Variants in NFAT5 observed in about 807,000 individuals in gnomAD.
The protein encoded by NFAT5 is nuclear factor of activated T cells 5, also known as nuclear factor of activated T-cells 5.
Under a neutral mutation model 166.5 loss-of-function variants are expected in NFAT5, and 31 were observed. The ratio of observed to expected loss-of-function variants is 0.19; its 90% confidence interval spans 0.14 to 0.25. The LOEUF (loss-of-function observed/expected upper bound fraction) is 0.25. Ranked by LOEUF, NFAT5 falls within the 10% of genes least tolerant of loss-of-function variation. The pLI is 1.00. For missense variants in NFAT5, 1,449 were observed against 1,821.8 expected (o/e 0.80, Z 3.72); for synonymous variants, 612 against 639.7 (o/e 0.96, Z 0.65).
intron 2 of NFAT5, among the ~76,000 whole-genome samples, chr16:69,575,383 G>A (rs1286066871): frequency 6.6e-6 from 1 of 152,070 alleles, no homozygotes; most frequent in Non-Finnish European, 1.5e-5. Context: ...GGTCAGGCTG[G>A]TCTTGAATTC....
At chr16:69,640,952 G>A (rs2035177915) in intron 3 of NFAT5, among the ~76,000 whole-genome samples, 1 of 150,662 alleles carries the variant, frequency 6.6e-6, no homozygotes, top group Non-Finnish European at 1.5e-5. Flanking sequence ...TTGTACTCCA[G>A]CGGGGGCAAC....
chr16:69,670,175 A>G, intron 8 of NFAT5, 61 bp from the exon 9 acceptor site: 4 of 1,578,968 alleles, frequency 2.5e-6, no homozygotes, highest in South Asian at 1.2e-5. Context: ...GGATATAGTC[A>G]TAGCTACAGA....
intron 2 of NFAT5, among the ~76,000 whole-genome samples, chr16:69,584,591 C>T (rs1319470359): frequency 3.3e-5 from 5 of 151,694 alleles, no homozygotes; most frequent in East Asian, 3.9e-4. Flanking sequence ...CGGCCTCCCT[C>T]GGTCTTGCTA....
In NFAT5 at chr16:69,697,333, C is replaced by T. The variant is rs1012559996; in HGVS notation, c.*982C>T. 6.6e-6 allele frequency: 1 copy of T among 152,038 alleles called. No individual in the cohort carries two copies. The highest frequency in any genetic ancestry group is 2.4e-5 in the African/African-American group (1 of 41,382). The allele number at this position is 152,038 out of a possible 1,614,324, so 9.4% of individuals were successfully genotyped here. ...GACCTAGCAATCCTGCAGCACAGGGCAGAGAGTACTGTCTTAGGAATTATT... is the reference window on the plus strand; with the variant it reads ...GACCTAGCAATCCTGCAGCACAGGGTAGAGAGTACTGTCTTAGGAATTATT... On this transcript the variant is annotated 3_prime_UTR_variant, in exon 15 of 15. Coordinates refer to ENST00000349945, the MANE Select transcript of NFAT5 (RefSeq NM_138713.4).
chr16:69,602,268 A>C (rs1311708618), intron 2 of NFAT5, among the ~76,000 whole-genome samples: 1 of 148,180 alleles, frequency 6.7e-6, no homozygotes, highest in Non-Finnish European at 1.5e-5. Context: ...CTTGGTTATT[A>C]TCTTTTTTTT....
chr16:69,687,792 A>G (rs2037369920), intron 11 of NFAT5, among the ~76,000 whole-genome samples: 1 of 152,222 alleles, frequency 6.6e-6, no homozygotes, highest in Non-Finnish European at 1.5e-5. Flanking sequence ...ATCTGTAAAC[A>G]TGGACATTTT....
rs776971756 is a variant in NFAT5 at position 69,691,007 on chromosome 16, C to T, written c.1842C>T (p.Leu614=). The T allele has an allele frequency of 4.4e-6, 7 of 1,609,188 alleles. No individual in the cohort carries two copies. In the African/African-American group the frequency reaches 8.0e-5, roughly 18 times the overall value. ...NIIPNALMTP[L]IPSSMIKSED... is the part of the protein sequence containing the mutation. ...TCCCTAATGCCCTGATGACTCCACTCATACCAAGCAGTATGATTAAGAGTG... is the reference window on the plus strand; with the variant it reads ...TCCCTAATGCCCTGATGACTCCACTTATACCAAGCAGTATGATTAAGAGTG... Residue 614 remains leucine, a synonymous_variant, in exon 12 of 15, where the codon CTC becomes CTT. Transcript: ENST00000349945.
At chr16:69,615,971 C>T (rs2033924595) in intron 2 of NFAT5, among the ~76,000 whole-genome samples, 1 of 152,104 alleles carries the variant, frequency 6.6e-6, no homozygotes, top group Admixed American at 6.5e-5. Flanking sequence ...CTTTGGGCAG[C>T]CCTACTAGGT....
intron 3 of NFAT5, among the ~76,000 whole-genome samples, chr16:69,646,163 G>A (rs1244363554): frequency 1.3e-5 from 2 of 152,246 alleles, no homozygotes; most frequent in Admixed American, 1.3e-4. Flanking sequence ...CAATTGTCAA[G>A]CATGTAATCA....
Position 69,692,469 on chromosome 16 carries a change from A to G in NFAT5, c.2644A>G (p.Arg882Gly), listed in dbSNP as rs770407255. The change falls in exon 13 of 15, where the codon AGA becomes GGA. Residue 882 changes from arginine to glycine, a missense_variant. Around this residue, in one of 7 missense-constraint regions of NFAT5, gnomAD observed 891 missense variants for 993.0 expected, o/e 0.90. Transcript: ENST00000349945. ...HTRPDNLLPG[R>G]AESVHPQSEN... ...CAGACCAGATAATTTATTACCTGGA[A>G]GAGCTGAAAGTGTTCATCCACAGTC... 6.2e-7 allele frequency: 1 copy of G among 1,614,254 alleles called. No individual in the cohort carries two copies. The highest frequency in any genetic ancestry group is 1.1e-5 in the South Asian group (1 of 91,088).
intron 7 of NFAT5, among the ~76,000 whole-genome samples, chr16:69,660,982 G>A (rs1211288549): frequency 1.3e-5 from 2 of 150,574 alleles, no homozygotes; most frequent in Non-Finnish European, 3.0e-5. Flanking sequence ...GCTAATTTTT[G>A]TATTTTTAGT....
intron 2 of NFAT5, among the ~76,000 whole-genome samples, chr16:69,571,279 G>A (rs1364332090): frequency 6.6e-6 from 1 of 151,916 alleles, no homozygotes; most frequent in Non-Finnish European, 1.5e-5. Flanking sequence ...ACTCCAGCCT[G>A]GGTGACAGAG....
Position 69,692,621 on chromosome 16 carries a change from G to A in NFAT5, c.2796G>A (p.Glu932=). ...AGGCAGCTGCCCAGATTCAGTCAGA[G>A]TTATTCCCTTCAACTGCTTCAGCAA... ...ICQAAAQIQS[E]LFPSTASANG... is the part of the protein sequence containing the mutation. The change falls in exon 13 of 15, where the codon GAG becomes GAA. Residue 932 remains glutamate, a synonymous_variant. Coordinates refer to ENST00000349945, the MANE Select transcript of NFAT5 (RefSeq NM_138713.4). 1 of 1,614,230 alleles carries A rather than the reference G, an allele frequency of 6.2e-7. No individual in the cohort carries two copies. Among genetic ancestry groups the A allele is most frequent in the Non-Finnish European group, 8.5e-7 (1 of 1,180,046 alleles).
intron 2 of NFAT5, among the ~76,000 whole-genome samples, chr16:69,608,766 C>T (rs1103417): frequency 6.6e-6 from 1 of 150,870 alleles, no homozygotes; most frequent in African/African-American, 2.4e-5. Flanking sequence ...AGGTGCCTGC[C>T]ACCACGCCCG....
chr16:69,648,423 C>G, intron 4 of NFAT5: 3 of 982,286 alleles, frequency 3.1e-6, no homozygotes, highest in Non-Finnish European at 3.6e-6. Context: ...TCCTTTGATA[C>G]TAATACATTG....
intron 7 of NFAT5, among the ~76,000 whole-genome samples, chr16:69,665,593 C>G: frequency 1.1e-5 from 1 of 88,522 alleles, no homozygotes; most frequent in Non-Finnish European, 2.1e-5. Context: ...AATAAAATAC[C>G]TAGGAATCCA....
rs117187042 is a variant in NFAT5 at position 69,701,539 on chromosome 16, G to T, written c.*5188G>T. On this transcript the variant is annotated 3_prime_UTR_variant, in exon 15 of 15. Transcript: ENST00000349945. ...GAATAAAAGAAAAGGTACATTGCTAGAATTGTTTCTTTGGGAGAGGGTAAA... is the reference window on the plus strand; with the variant it reads ...GAATAAAAGAAAAGGTACATTGCTATAATTGTTTCTTTGGGAGAGGGTAAA... 4 of 152,654 alleles carry T rather than the reference G, an allele frequency of 2.6e-5. No individual in the cohort carries two copies. The East Asian group carries it at 7.7e-4, about 30-fold the overall frequency. 9.5% of individuals were successfully genotyped at this position (152,654 alleles called of 1,614,324 possible).
At chr16:69,573,010 T>G (rs1475412034) in intron 2 of NFAT5, among the ~76,000 whole-genome samples, 3 of 152,098 alleles carry the variant, frequency 2.0e-5, no homozygotes, top group Non-Finnish European at 4.4e-5. Flanking sequence ...ACCCAGCTAA[T>G]TTTTGTATTT....
chr16:69,625,763 G>A (rs2034426617), intron 2 of NFAT5, among the ~76,000 whole-genome samples: 1 of 151,834 alleles, frequency 6.6e-6, no homozygotes, highest in African/African-American at 2.4e-5. Context: ...CTATTGCAAA[G>A]GAAGATACTG....
Sources: gnomAD v4.1 joint callset for allele counts (sites outside exome capture counted in the v4.1 genomes callset) on GRCh38, gnomAD v4.1.1 for gene constraint, gnomAD v4.1.1 regional missense constraint, MANE v1.5 for transcripts, NCBI Gene and HGNC (gene_info 2026-07-23, HGNC 2026-07-21) for gene names.